RPS6KA2: variants seen among roughly 807,000 people sequenced by gnomAD.
The protein encoded by RPS6KA2 is ribosomal protein S6 kinase A2.
In RPS6KA2, 42 loss-of-function variants were observed where a neutral mutation model predicts 91.8. The observed-to-expected ratio is 0.46, with a 90% CI of 0.36 to 0.59. The LOEUF (loss-of-function observed/expected upper bound fraction) is 0.59. Among genes scored for constraint, RPS6KA2 ranks in the 20% least tolerant of loss-of-function variants. RPS6KA2 has a pLI of 0.00. For missense variants in RPS6KA2, 798 were observed against 978.5 expected (o/e 0.82, Z 2.46); for synonymous variants, 414 against 393.6 (o/e 1.05, Z -0.61).
chr6:166,763,809 G>A (rs1324404950), intron 2 of RPS6KA2, among the ~76,000 whole-genome samples: 1 of 152,180 alleles, frequency 6.6e-6, no homozygotes, highest in East Asian at 1.9e-4. Context: ...ATAACCAACT[G>A]CAAACGATCC....
At chr6:166,513,168 T>G (rs1188816969) in intron 3 of RPS6KA2, among the ~76,000 whole-genome samples, 2 of 152,180 alleles carry the variant, frequency 1.3e-5, no homozygotes, top group African/African-American at 2.4e-5. Flanking sequence ...CTGGGCCCCA[T>G]GTAGCCCACA....
At chr6:166,766,200 TGA>T (rs1778307509) in intron 2 of RPS6KA2, among the ~76,000 whole-genome samples, 1 of 152,216 alleles carries the variant, frequency 6.6e-6, no homozygotes, top group Non-Finnish European at 1.5e-5. Context: ...TGAAATTGCC[TGA>T]GAGACAACAC....
At chr6:166,713,293 G>C (rs948578793) in intron 2 of RPS6KA2, among the ~76,000 whole-genome samples, 1 of 152,236 alleles carries the variant, frequency 6.6e-6, no homozygotes, top group African/African-American at 2.4e-5. Context: ...TTTCACACCG[G>C]AGGAGGTGGG....
chr6:166,589,363 T>C (rs2128520527), intron 1 of RPS6KA2, among the ~76,000 whole-genome samples: 1 of 152,372 alleles, frequency 6.6e-6, no homozygotes, highest in East Asian at 1.9e-4. Context: ...GCACTAAGTA[T>C]GCACTTTTGT....
At chr6:166,684,134 T>G (rs1788929717) in intron 2 of RPS6KA2, among the ~76,000 whole-genome samples, 3 of 152,100 alleles carry the variant, frequency 2.0e-5, no homozygotes, top group Non-Finnish European at 4.4e-5. Flanking sequence ...AGACGGGACT[T>G]GACTCTGGAG....
In RPS6KA2 at chr6:166,702,504, T is replaced by C; in HGVS notation, c.123+155696A>G. Reference sequence around the variant, plus strand: ...CTGCAGTTTCCGAGTCAGTGTTCACTTGCTGACAGCTCTCCACCACTCCAT... The same window carrying C: ...CTGCAGTTTCCGAGTCAGTGTTCACCTGCTGACAGCTCTCCACCACTCCAT... On this transcript the variant is annotated intron_variant, in intron 2 of 21. Transcript: ENST00000503859. The C allele has an allele frequency of 3.9e-6, 6 of 1,552,292 alleles. No homozygotes were observed. In the South Asian group the frequency reaches 6.7e-5, roughly 17 times the overall value.
intron 2 of RPS6KA2, among the ~76,000 whole-genome samples, chr6:166,830,822 C>T (rs1199484420): frequency 6.6e-6 from 1 of 152,214 alleles, no homozygotes; most frequent in Admixed American, 6.5e-5. Flanking sequence ...GAGCCACAGC[C>T]TTCCGTCCTG....
chr6:166,817,101 A>G (rs924273299), intron 2 of RPS6KA2, among the ~76,000 whole-genome samples: 26 of 152,238 alleles, frequency 1.7e-4, no homozygotes, highest in Non-Finnish European at 3.8e-4. Context: ...TAAATGGTGA[A>G]AAGGAATAGA....
At chr6:166,734,682 G>A (rs1790626212) in intron 2 of RPS6KA2, among the ~76,000 whole-genome samples, 1 of 152,232 alleles carries the variant, frequency 6.6e-6, no homozygotes, top group Non-Finnish European at 1.5e-5. Context: ...GATTTTCCCT[G>A]TGACAATGTG....
At chr6:166,826,389 A>C (rs189598828) in intron 2 of RPS6KA2, among the ~76,000 whole-genome samples, 30 of 152,344 alleles carry the variant, frequency 2.0e-4, no homozygotes, top group Admixed American at 7.2e-4. Context: ...CGTCCTGAGC[A>C]CTTTGCTCAC....
At chr6:166,510,909 G>A (rs28402141) in intron 3 of RPS6KA2, among the ~76,000 whole-genome samples, 1 of 151,818 alleles carries the variant, frequency 6.6e-6, no homozygotes, top group Admixed American at 6.6e-5. Flanking sequence ...GTATTTTTTC[G>A]TGGACTTTTT....
chr6:166,498,557 C>T lies in RPS6KA2; in HGVS notation c.698G>A (p.Arg233Gln), dbSNP rs749821922. 10 of 1,613,622 alleles carry T rather than the reference C, an allele frequency of 6.2e-6. No individual in the cohort carries two copies. The highest frequency in any genetic ancestry group is 1.7e-5 in the Admixed American group (1 of 59,936). The change falls in exon 8 of 21, where the codon CGG becomes CAG. Residue 233 changes from arginine (R) to glutamine (Q), a missense_variant. Transcript: ENST00000265678. ...IEYMAPEVVN[R>Q]RGHTQSADWW... is the part of the protein sequence containing the mutation. ...GTCGGCACTCTGCGTGTGTCCTCGC[C>T]GGTTCACCACCTCGGGCGCCATGTA...
At position 166,411,835 on chromosome 6, in the gene RPS6KA2, C is replaced by G. The variant is rs892054447; in HGVS notation, c.*927G>C. The G allele has an allele frequency of 6.6e-6, 1 of 152,348 alleles. No individual in the cohort carries two copies. Among genetic ancestry groups the G allele is most frequent in the African/African-American group, 2.4e-5 (1 of 41,450 alleles). The allele number at this position is 152,348 out of a possible 1,614,324, so 9.4% of individuals were successfully genotyped here. A position where few individuals can be genotyped will look rare whatever the true frequency, so the allele number is the denominator to read the frequency against. On this transcript the variant is annotated 3_prime_UTR_variant, in exon 21 of 21. Transcript: ENST00000265678. The surrounding 1 kb of genome is among the most constrained non-coding windows in gnomAD (Gnocchi z 4.5). Reference sequence around the variant, plus strand: ...CTCCAATTCACAGTTTCTCCACAGACCAGAAAAATCGAAGTGAACACAGCA... The same window carrying G: ...CTCCAATTCACAGTTTCTCCACAGAGCAGAAAAATCGAAGTGAACACAGCA...
At chr6:166,681,979 T>A (rs1026107088) in intron 2 of RPS6KA2, among the ~76,000 whole-genome samples, 10 of 152,080 alleles carry the variant, frequency 6.6e-5, no homozygotes, top group Non-Finnish European at 1.3e-4. Context: ...TAGGTTTAAG[T>A]CTTCTGATGC....
intron 2 of RPS6KA2, among the ~76,000 whole-genome samples, chr6:166,818,838 CTGA>C (rs535113009): frequency 1.0e-3 from 156 of 152,106 alleles, no homozygotes; most frequent in African/African-American, 3.5e-3. Context: ...CGTGTTCCCG[CTGA>C]TAACTGGACA....
Position 166,852,587 on chromosome 6 carries a change from C to A in RPS6KA2, c.123+5613G>T, listed in dbSNP as rs75212592. On this transcript the variant is annotated intron_variant, in intron 2 of 21. Coordinates refer to the RPS6KA2 transcript ENST00000503859. This position sits in a 1 kb window ranked among gnomAD's most constrained non-coding sequence, Gnocchi z 4.1. ...CACCCGGCCTGGCTCTCTCTTTCACCCTTTCTGCCTGTTGCCACGAGTCTC... is the reference window on the plus strand; with the variant it reads ...CACCCGGCCTGGCTCTCTCTTTCACACTTTCTGCCTGTTGCCACGAGTCTC... 2.6e-5 allele frequency among the ~76,000 whole-genome samples: 4 copies of A among 152,090 alleles called. No homozygotes were observed. The highest frequency in any genetic ancestry group is 9.7e-5 in the African/African-American group (4 of 41,402).
intron 1 of RPS6KA2, among the ~76,000 whole-genome samples, chr6:166,858,433 G>A (rs923768790): frequency 1.3e-5 from 2 of 152,198 alleles, no homozygotes; most frequent in Non-Finnish European, 2.9e-5. Flanking sequence ...ACTGTGTGAT[G>A]CTTCATGTCC....
chr6:166,600,854 T>C (rs1785707299), intron 1 of RPS6KA2, among the ~76,000 whole-genome samples: 1 of 152,226 alleles, frequency 6.6e-6, no homozygotes, highest in African/African-American at 2.4e-5. Flanking sequence ...TCAAAATCAG[T>C]AGGAAATTAA....
At chr6:166,498,460 C>G (rs766297206) in intron 8 of RPS6KA2, 48 bp downstream of exon 8, 2 of 1,559,746 alleles carry the variant, frequency 1.3e-6, no homozygotes, top group Non-Finnish European at 1.7e-6. Flanking sequence ...CAGGGGTCCA[C>G]GTGGGGAACA....
Sources: gnomAD v4.1 joint callset for allele counts (sites outside exome capture counted in the v4.1 genomes callset) on GRCh38, gnomAD v4.1.1 for gene constraint, Gnocchi (gnomAD v3.1) non-coding constraint, MANE v1.5 for transcripts, NCBI Gene and HGNC (gene_info 2026-07-23, HGNC 2026-07-21) for gene names.